The following CDH12 variants were observed in gnomAD, a reference collection of about 807,000 sequenced individuals.
The protein encoded by CDH12 is cadherin 12, also known as cadherin-12.
CDH12 carries 41 observed loss-of-function variants against 74.1 expected under a neutral mutation model. That is an observed-to-expected ratio of 0.55 (90% confidence interval 0.43 to 0.72). CDH12 has a LOEUF of 0.72. Ranked by LOEUF, CDH12 falls within the 30% of genes least tolerant of loss-of-function variation. The probability of loss-of-function intolerance (pLI) is 0.00; values close to 1 mark genes in which losing one functional copy is unlikely to be tolerated. For missense variants in CDH12, 945 were observed against 977.2 expected (o/e 0.97, Z 0.44); for synonymous variants, 399 against 355.0 (o/e 1.12, Z -1.39).
intron 10 of CDH12, among the ~76,000 whole-genome samples, chr5:21,783,779 T>G (rs1180708745): frequency 6.6e-6 from 1 of 152,164 alleles, no homozygotes; most frequent in Non-Finnish European, 1.5e-5. Flanking sequence ...ATGAGTTTCC[T>G]TAACCTGCTG....
chr5:22,006,970 CAAAT>C (rs1004920666), intron 5 of CDH12, among the ~76,000 whole-genome samples: 1 of 151,868 alleles, frequency 6.6e-6, no homozygotes, highest in African/African-American at 2.4e-5. Context: ...GAATCATAAA[CAAAT>C]AATTCATAGG....
intron 1 of CDH12, among the ~76,000 whole-genome samples, chr5:22,808,025 T>A (rs1748908359): frequency 6.6e-6 from 1 of 152,250 alleles, no homozygotes; most frequent in Non-Finnish European, 1.5e-5. Context: ...TTCATTATAA[T>A]CTTATGGGAC....
chr5:21,938,748 A>ATATATATATATATATATATC (rs1490336535), intron 6 of CDH12, among the ~76,000 whole-genome samples: 39 of 136,520 alleles, frequency 2.9e-4, no homozygotes, highest in Middle Eastern at 3.7e-3. Flanking sequence ...ATATATATAT[A>ATATATATATATATATATATC]TCTTCTACAT....
chr5:22,717,279 T>C (rs924249566), intron 1 of CDH12, among the ~76,000 whole-genome samples: 5 of 152,160 alleles, frequency 3.3e-5, no homozygotes, highest in Non-Finnish European at 7.3e-5. Flanking sequence ...TTTTACTGTG[T>C]CATTTCAATG....
chr5:22,822,076 T>C (rs1312056933), intron 1 of CDH12, among the ~76,000 whole-genome samples: 2 of 151,950 alleles, frequency 1.3e-5, no homozygotes, highest in Non-Finnish European at 2.9e-5. Flanking sequence ...GAAATAATGC[T>C]GCATATCTAC....
intron 6 of CDH12, among the ~76,000 whole-genome samples, chr5:21,956,224 T>C (rs1756088921): frequency 6.6e-6 from 1 of 151,968 alleles, no homozygotes; most frequent in African/African-American, 2.4e-5. Context: ...TATACTGAAA[T>C]ACAGGTCAGT....
chr5:22,610,428 CGATCTAGTAAAAATGTATTA>C (rs1337421543), intron 1 of CDH12, among the ~76,000 whole-genome samples: 1 of 151,926 alleles, frequency 6.6e-6, no homozygotes, highest in East Asian at 1.9e-4. Flanking sequence ...AAAATAAAAC[CGATCTAGTAAAAATGTATTA>C]GATTCTGCAG....
chr5:22,046,186 G>C (rs1256118691), intron 5 of CDH12, among the ~76,000 whole-genome samples: 6 of 152,026 alleles, frequency 3.9e-5, no homozygotes, highest in African/African-American at 1.4e-4. Flanking sequence ...AAATAAAGTG[G>C]ACAATTTAAA....
intron 1 of CDH12, among the ~76,000 whole-genome samples, chr5:22,534,803 T>C (rs1477950365): frequency 1.3e-5 from 2 of 151,980 alleles, no homozygotes; most frequent in African/African-American, 2.4e-5. Flanking sequence ...TTTGAGATTT[T>C]TTTTTTTAGA....
At chr5:22,551,309 C>T (rs946880547) in intron 1 of CDH12, among the ~76,000 whole-genome samples, 14 of 152,154 alleles carry the variant, frequency 9.2e-5, no homozygotes, top group African/African-American at 2.9e-4. Flanking sequence ...TGGTCTTAGA[C>T]TTTGAGTCTC....
intron 5 of CDH12, among the ~76,000 whole-genome samples, chr5:22,007,473 G>A (rs899145601): frequency 1.1e-4 from 16 of 152,036 alleles, no homozygotes; most frequent in Non-Finnish European, 2.2e-4. Flanking sequence ...TAAAAAAATA[G>A]TAAAATGATG....
chr5:22,271,900 C>T (rs1736417480), intron 3 of CDH12, among the ~76,000 whole-genome samples: 1 of 152,008 alleles, frequency 6.6e-6, no homozygotes. Flanking sequence ...ATTTAGGGCA[C>T]AGGCAGAGTA....
At chr5:21,811,709 C>CT (rs371359584) in intron 9 of CDH12, among the ~76,000 whole-genome samples, 38,903 of 139,022 alleles carry the variant, frequency 0.28, 6,866 homozygotes, top group African/African-American at 0.45. Context: ...ATAGGACAAG[C>CT]TTTTTTTTTT....
At chr5:22,480,588 A>T (rs1264766931) in intron 2 of CDH12, among the ~76,000 whole-genome samples, 1 of 151,970 alleles carries the variant, frequency 6.6e-6, no homozygotes, top group Non-Finnish European at 1.5e-5. Context: ...ATCTCAAAAA[A>T]AAAAAAAAAA....
intron 1 of CDH12, among the ~76,000 whole-genome samples, chr5:22,574,408 C>A (rs1402403451): frequency 1.3e-5 from 2 of 152,004 alleles, no homozygotes; most frequent in Non-Finnish European, 2.9e-5. Flanking sequence ...CCATAACATG[C>A]CTTCACGTAC....
intron 6 of CDH12, among the ~76,000 whole-genome samples, chr5:21,929,011 C>T (rs150198822): frequency 0.014 from 2,106 of 152,134 alleles, 16 homozygotes; most frequent in Middle Eastern, 0.031. Flanking sequence ...ATTCACCCTT[C>T]CTGCACAGAT....
chr5:22,077,190 C>T (rs1742391157), intron 5 of CDH12, among the ~76,000 whole-genome samples: 1 of 151,972 alleles, frequency 6.6e-6, no homozygotes, highest in Non-Finnish European at 1.5e-5. Flanking sequence ...CTGCAAAAAT[C>T]ATTTGCCTGG....
At chr5:22,112,966 C>T (rs939254234) in intron 4 of CDH12, among the ~76,000 whole-genome samples, 1 of 152,094 alleles carries the variant, frequency 6.6e-6, no homozygotes, top group Non-Finnish European at 1.5e-5. Flanking sequence ...AGCTTTCAAT[C>T]AAGCATGGTC....
intron 3 of CDH12, among the ~76,000 whole-genome samples, chr5:22,290,220 A>G (rs931934491): frequency 1.3e-5 from 2 of 152,206 alleles, no homozygotes; most frequent in Admixed American, 6.5e-5. Flanking sequence ...ACACATTACC[A>G]TAAAGTTAAT....
Sources: allele counts gnomAD v4.1 joint callset (sites outside exome capture counted in the v4.1 genomes callset), GRCh38; gene constraint gnomAD v4.1.1; transcripts MANE v1.5; gene names NCBI Gene and HGNC (gene_info 2026-07-23, HGNC 2026-07-21).